KMT2B: variants seen among roughly 807,000 people sequenced by gnomAD.
KMT2B encodes histone-lysine N-methyltransferase 2B.
Under a neutral mutation model 255.3 loss-of-function variants are expected in KMT2B, and 22 were observed. The ratio of observed to expected loss-of-function variants is 0.09; its 90% confidence interval spans 0.06 to 0.12. KMT2B has a LOEUF of 0.12. Ranked by LOEUF, KMT2B falls within the 10% of genes least tolerant of loss-of-function variation. KMT2B has a pLI of 1.00. For synonymous variants in KMT2B, 1,730 were observed against 1,498.1 expected (o/e 1.15, Z -3.57); for missense variants, 3,149 against 3,737.0 (o/e 0.84, Z 4.10).
At chr19:35,729,407 G>A in intron 22 of KMT2B, 111 bp downstream of exon 22, 1 of 1,406,220 alleles carries the variant, frequency 7.1e-7, no homozygotes, top group Admixed American at 2.1e-5. Context: ...TTCACTGCCA[G>A]GCTGAGGTCT....
rs1223829125 is a variant in KMT2B at position 35,725,066 on chromosome 19, C to T, written c.3507C>T (p.His1169=). 2 of 1,613,048 alleles carry T rather than the reference C, an allele frequency of 1.2e-6. No homozygotes were observed. Among genetic ancestry groups the T allele is most frequent in the Non-Finnish European group, 1.7e-6 (2 of 1,179,300 alleles). ...TGKQKSPDGV[H]RVRVDFKEDC... The stretch of plus-strand genomic sequence containing the variant: ...AGCAGAAGTCTCCCGATGGTGTGCA[C>T]CGCGTCCGTGTGGATTTTAAGGTAT... The change falls in exon 10 of 37, where the codon CAC becomes CAT. Residue 1169 remains histidine (H), a synonymous_variant. Transcript: ENST00000420124. The surrounding 1 kb of genome is among the most constrained non-coding windows in gnomAD (Gnocchi z 4.1).
In KMT2B at chr19:35,727,347, G is replaced by T. The variant is rs1469494043; in HGVS notation, c.4117+78G>T. 4 of 1,572,626 alleles carry T rather than the reference G, an allele frequency of 2.5e-6. No individual in the cohort carries two copies. The highest frequency in any genetic ancestry group is 3.3e-5 in the Admixed American group (2 of 59,924). ...CCCCACCACAGGCCCCAAGAGGACTGGTGGGCTAAGGGTCCTTGCTGGCCT... is the reference window on the plus strand; with the variant it reads ...CCCCACCACAGGCCCCAAGAGGACTTGTGGGCTAAGGGTCCTTGCTGGCCT... On this transcript the variant is annotated intron_variant, in intron 15 of 36. Transcript: ENST00000420124. The surrounding 1 kb of genome is among the most constrained non-coding windows in gnomAD (Gnocchi z 4.2).
rs990572080 is a variant in KMT2B at position 35,738,744 on chromosome 19, C to T, written c.*187C>T. On this transcript the variant is annotated 3_prime_UTR_variant, in exon 37 of 37. Transcript: ENST00000420124. This position sits in a 1 kb window ranked among gnomAD's most constrained non-coding sequence, Gnocchi z 8.7. Reference sequence around the variant, plus strand: ...CTCCAGCCCATCCAGCAATCGCCCCCTTTCTGCCCTGGGGGCCCAGGATGT... The same window carrying T: ...CTCCAGCCCATCCAGCAATCGCCCCTTTTCTGCCCTGGGGGCCCAGGATGT... 1 of 633,226 alleles carries T rather than the reference C, an allele frequency of 1.6e-6. No individual in the cohort carries two copies. Among genetic ancestry groups the T allele is most frequent in the East Asian group, 2.8e-5 (1 of 36,256 alleles). 39.2% of individuals were successfully genotyped at this position (633,226 alleles called of 1,614,324 possible).
At chr19:35,730,665 C>G (rs772973737) in intron 25 of KMT2B, 42 bp from the exon 26 acceptor site, 2 of 1,613,872 alleles carry the variant, frequency 1.2e-6, no homozygotes, top group East Asian at 2.2e-5. Flanking sequence ...ATAGCTGGAT[C>G]CCATTTCCCA....
chr19:35,718,450 TC>T lies in KMT2B; in HGVS notation c.363+72del. The T allele has an allele frequency of 8.3e-7, 1 of 1,206,830 alleles. No homozygotes were observed. 74.8% of individuals were successfully genotyped at this position (1,206,830 alleles called of 1,614,324 possible). On this transcript the variant is annotated intron_variant, in intron 1 of 36. Transcript: ENST00000420124. The surrounding 1 kb of genome is among the most constrained non-coding windows in gnomAD (Gnocchi z 5.0). ...CCGGGGCTTCCAGGGGTCTGGGTTG[TC>T]CCGGGGGCGGCGTGGGCAGGCCGGG... is the stretch of plus-strand genomic sequence containing the variant.
In KMT2B at chr19:35,738,651, A is replaced by G; in HGVS notation, c.*94A>G. ...GGGGCTCCCTAGCCCCTCCCAGAGC[A>G]TCTCACCCCCACCCTCATGTTCAGG... On this transcript the variant is annotated 3_prime_UTR_variant, in exon 37 of 37. Coordinates refer to ENST00000420124, the MANE Select transcript of KMT2B (RefSeq NM_014727.3). This position sits in a 1 kb window ranked among gnomAD's most constrained non-coding sequence, Gnocchi z 8.7. The G allele has an allele frequency of 2.2e-6, 3 of 1,368,590 alleles. No individual in the cohort carries two copies. Among genetic ancestry groups the G allele is most frequent in the Non-Finnish European group, 3.0e-6 (3 of 1,009,030 alleles). The allele number at this position is 1,368,590 out of a possible 1,614,324, so 84.8% of individuals were successfully genotyped here.
chr19:35,733,916 T>A lies in KMT2B; in HGVS notation c.7159+44T>A, dbSNP rs370675117. The stretch of plus-strand genomic sequence containing the variant: ...CTCTCCCTCCTTGCCTGTGCCTGGC[T>A]CAGCTGGGTGACTCACAGATGCAAA... On this transcript the variant is annotated intron_variant, in intron 30 of 36. Coordinates refer to ENST00000420124, the MANE Select transcript of KMT2B (RefSeq NM_014727.3). The surrounding 1 kb of genome is among the most constrained non-coding windows in gnomAD (Gnocchi z 4.3). 7.0e-7 allele frequency: 1 copy of A among 1,420,446 alleles called. No homozygotes were observed. Among genetic ancestry groups the A allele is most frequent in the Non-Finnish European group, 9.9e-7 (1 of 1,014,724 alleles). 88.0% of individuals were successfully genotyped at this position (1,420,446 alleles called of 1,614,324 possible).
In KMT2B at chr19:35,732,540, G is replaced by T; in HGVS notation, c.5991G>T (p.Leu1997=). 2 of 1,613,890 alleles carry T rather than the reference G, an allele frequency of 1.2e-6. No individual in the cohort carries two copies. Among genetic ancestry groups the T allele is most frequent in the South Asian group, 1.1e-5 (1 of 91,088 alleles). ...SAADLDFAAS[L]LGTEPFQEEI... ...CTGACCTGGACTTCGCGGCCAGCCT[G>T]CTGGGGACTGAGCCCTTCCAGGAAG... Residue 1997 remains leucine (L), a synonymous_variant, in exon 28 of 37, where the codon CTG becomes CTT. Coordinates refer to ENST00000420124, the MANE Select transcript of KMT2B (RefSeq NM_014727.3).
intron 13 of KMT2B, 130 bp from the exon 14 acceptor site, chr19:35,726,106 G>A (rs1245687386): frequency 7.0e-6 from 5 of 711,294 alleles, no homozygotes; most frequent in Non-Finnish European, 1.3e-5. Context: ...TCTGTCCTGC[G>A]TGTTTTCTCC....
chr19:35,720,593 C>A lies in KMT2B; in HGVS notation c.1246C>A (p.Pro416Thr), dbSNP rs1011328460. Reference sequence around the variant, plus strand: ...TCCTCCAGCCCCTTCACCTCCTCCACCCCTCCCACCCCCTTCGACATCTCC... The same window carrying A: ...TCCTCCAGCCCCTTCACCTCCTCCAACCCTCCCACCCCCTTCGACATCTCC... ...LTPPAPSPPP[P>T]LPPPSTSPPP... The change falls in exon 3 of 37, where the codon CCC becomes ACC. Residue 416 changes from proline to threonine, a missense_variant. Around this residue, in one of 18 missense-constraint regions of KMT2B, gnomAD observed 1,188 missense variants for 1,106.4 expected, o/e 1.07. Transcript: ENST00000420124. The A allele has an allele frequency of 1.3e-6, 2 of 1,492,908 alleles. No individual in the cohort carries two copies. The highest frequency in any genetic ancestry group is 2.6e-5 in the South Asian group (2 of 76,578). 92.5% of individuals were successfully genotyped at this position (1,492,908 alleles called of 1,614,324 possible). A position where few individuals can be genotyped will look rare whatever the true frequency, so the allele number is the denominator to read the frequency against.
At position 35,732,565 on chromosome 19, in the gene KMT2B, G is replaced by A. The variant is rs1417264070; in HGVS notation, c.6016G>A (p.Glu2006Lys). 30 of 1,613,676 alleles carry A rather than the reference G, an allele frequency of 1.9e-5. No individual in the cohort carries two copies. Among genetic ancestry groups the A allele is most frequent in the Non-Finnish European group, 2.2e-5 (26 of 1,179,850 alleles). Residue 2006 changes from glutamate (E) to lysine (K), a missense_variant, in exon 28 of 37, where the codon GAG (glutamate) becomes AAG (lysine). Physicochemically the swap from Glu to Lys is moderately conservative, Grantham distance 56. Coordinates refer to ENST00000420124, the MANE Select transcript of KMT2B (RefSeq NM_014727.3). Reference sequence around the variant, plus strand: ...GCTGGGGACTGAGCCCTTCCAGGAAGAGATTGTAGCCGCTGGGGCCATGGG... The same window carrying A: ...GCTGGGGACTGAGCCCTTCCAGGAAAAGATTGTAGCCGCTGGGGCCATGGG... ...SLLGTEPFQE[E>K]IVAAGAMGSS...
chr19:35,720,463 A>G lies in KMT2B; in HGVS notation c.1116A>G (p.Glu372=), dbSNP rs748795470. Residue 372 remains glutamate (E), a synonymous_variant, in exon 3 of 37, where the codon GAA becomes GAG. Transcript: ENST00000420124. The stretch of plus-strand genomic sequence containing the variant: ...AGGAAGAAGAGAAGAAAGAAGAAGA[A>G]GAAAAAGACAAGGAGGGAGAAGAGA... ...DDEEEEKKEE[E]EKDKEGEEKE... 10 of 1,551,822 alleles carry G rather than the reference A, an allele frequency of 6.4e-6. No individual in the cohort carries two copies. Among genetic ancestry groups the G allele is most frequent in the Non-Finnish European group, 8.7e-6 (10 of 1,146,956 alleles).
intron 8 of KMT2B, 100 bp downstream of exon 8, chr19:35,724,107 GAT>G: frequency 8.3e-7 from 1 of 1,199,370 alleles, no homozygotes; most frequent in Non-Finnish European, 1.1e-6. Flanking sequence ...CTGTCAGTCT[GAT>G]AGAGAAGGTG....
At chr19:35,724,494 G>A in intron 8 of KMT2B, 143 bp from the exon 9 acceptor site, 1 of 717,542 alleles carries the variant, frequency 1.4e-6, no homozygotes, top group South Asian at 1.7e-5. Context: ...GCGAGACCCT[G>A]CCTCAAAAAA....
At position 35,733,386 on chromosome 19, in the gene KMT2B, G is replaced by A. The variant is rs1387911005; in HGVS notation, c.6837G>A (p.Lys2279=). The A allele has an allele frequency of 6.5e-7, 1 of 1,548,102 alleles. No homozygotes were observed. The highest frequency in any genetic ancestry group is 2.0e-5 in the Admixed American group (1 of 50,988). The change falls in exon 28 of 37, where the codon AAG becomes AAA. Residue 2279 remains lysine (K), a synonymous_variant. Transcript: ENST00000420124. This position sits in a 1 kb window ranked among gnomAD's most constrained non-coding sequence, Gnocchi z 4.3. Reference sequence around the variant, plus strand: ...CGCCCCGCCAGGCCATCCGCGTCAAGAGGGTGTCCACTTTCTCCGGCCGGT... The same window carrying A: ...CGCCCCGCCAGGCCATCCGCGTCAAAAGGGTGTCCACTTTCTCCGGCCGGT... ...ASPPRQAIRV[K]RVSTFSGRSP... is the part of the protein sequence containing the mutation.
intron 24 of KMT2B, 33 bp from the exon 25 acceptor site, chr19:35,730,505 C>T (rs780911632): frequency 6.2e-7 from 1 of 1,613,996 alleles, no homozygotes; most frequent in South Asian, 1.1e-5. Context: ...CCCTGTCCTG[C>T]CTGCCTCTCC....
chr19:35,723,392 T>C lies in KMT2B; in HGVS notation c.3003-55T>C. On this transcript the variant is annotated intron_variant, in intron 6 of 36. Transcript: ENST00000420124. The surrounding 1 kb of genome is among the most constrained non-coding windows in gnomAD (Gnocchi z 7.5). ...TGGCATTCTTGTGGAGAGCTTCCTC[T>C]CTTCCCCCAGACCACCAGTCCCCTA... 1 of 1,536,762 alleles carries C rather than the reference T, an allele frequency of 6.5e-7. No homozygotes were observed. Among genetic ancestry groups the C allele is most frequent in the Non-Finnish European group, 8.8e-7 (1 of 1,135,982 alleles).
Position 35,728,115 on chromosome 19 carries a change from C to A in KMT2B, c.4515C>A (p.Phe1505Leu). The A allele has an allele frequency of 6.3e-7, 1 of 1,598,724 alleles. No individual in the cohort carries two copies. Among genetic ancestry groups the A allele is most frequent in the Admixed American group, 1.7e-5 (1 of 58,254 alleles). Residue 1505 changes from phenylalanine (F) to leucine (L), a missense_variant, in exon 19 of 37, where the codon TTC (phenylalanine) becomes TTA (leucine). Transcript: ENST00000420124. Reference sequence around the variant, plus strand: ...CTCCCCAGCTGCTAGAATCTGCGTTCGGCTGGTTCGACGCCCACGACCCCA... The same window carrying A: ...CTCCCCAGCTGCTAGAATCTGCGTTAGGCTGGTTCGACGCCCACGACCCCA... The part of the protein sequence containing the change: ...GLLLKLLESA[F>L]GWFDAHDPKY...
Position 35,723,334 on chromosome 19 carries a change from C to T in KMT2B, c.3002+60C>T, listed in dbSNP as rs879085684. On this transcript the variant is annotated intron_variant, in intron 6 of 36. Transcript: ENST00000420124. This position sits in a 1 kb window ranked among gnomAD's most constrained non-coding sequence, Gnocchi z 7.5. ...TGTTGGTCCCCTAGGCTTCCTACCT[C>T]ACTCCTCTTCTGCCTGGCCAGAGCA... is the stretch of plus-strand genomic sequence containing the variant. 5 of 1,577,020 alleles carry T rather than the reference C, an allele frequency of 3.2e-6. No homozygotes were observed. Among genetic ancestry groups the T allele is most frequent in the Non-Finnish European group, 4.3e-6 (5 of 1,157,226 alleles).
Sources: gnomAD v4.1 joint callset for allele counts on GRCh38, gnomAD v4.1.1 for gene constraint, gnomAD v4.1.1 regional missense constraint, Gnocchi (gnomAD v3.1) non-coding constraint, MANE v1.5 for transcripts, NCBI Gene and HGNC (gene_info 2026-07-23, HGNC 2026-07-21) for gene names.